COL4A4: variants seen among roughly 807,000 people sequenced by gnomAD.
The protein encoded by COL4A4 is collagen type IV alpha 4 chain, also known as collagen alpha-4(IV) chain.
In COL4A4, 105 loss-of-function variants were observed where a neutral mutation model predicts 192.9. The ratio of observed to expected loss-of-function variants is 0.54; its 90% CI spans 0.46 to 0.64. The LOEUF (loss-of-function observed/expected upper bound fraction) is 0.64. COL4A4 is among the 30% of genes least tolerant of loss of function. The pLI, the probability that COL4A4 is intolerant of heterozygous loss-of-function variation, is 0.00. For missense variants in COL4A4, 1,967 were observed against 2,169.3 expected, an observed-to-expected ratio of 0.91 and a Z score of 1.85; for synonymous variants, 762 against 769.9, an observed-to-expected ratio of 0.99 and a Z score of 0.17.
At chr2:227,015,277 C>A (rs1035638552) in intron 44 of COL4A4, among the ~76,000 whole-genome samples, 1 of 152,152 alleles carries the variant, frequency 6.6e-6, no homozygotes, top group Non-Finnish European at 1.5e-5. Context: ...AGTAAGATAT[C>A]ATTACCAGTT....
chr2:227,142,097 CA>C (rs531488311), intron 3 of COL4A4, among the ~76,000 whole-genome samples: 22,592 of 117,838 alleles, frequency 0.19, 1,090 homozygotes, highest in Middle Eastern at 0.31. Context: ...TTAGTAGATT[CA>C]AAAAAAAAAA....
chr2:227,066,058 T>A (rs1200499604), intron 25 of COL4A4, among the ~76,000 whole-genome samples: 1 of 151,988 alleles, frequency 6.6e-6, no homozygotes, highest in African/African-American at 2.4e-5. Flanking sequence ...AAACCAAGCC[T>A]CGAGAACTAC....
chr2:226,977,142 A>T, the COL4A4 span, among the ~76,000 whole-genome samples: 1 of 152,106 alleles, frequency 6.6e-6, no homozygotes, highest in African/African-American at 2.4e-5. Context: ...TTGTTCTGGA[A>T]ATGAGGAACT....
At chr2:226,982,290 G>T in the COL4A4 span, among the ~76,000 whole-genome samples, 1 of 152,220 alleles carries the variant, frequency 6.6e-6, no homozygotes, top group Non-Finnish European at 1.5e-5. Context: ...ATGGATGCCA[G>T]GTGGCTGTCA....
intron 7 of COL4A4, among the ~76,000 whole-genome samples, chr2:227,115,311 A>C (rs371193756): frequency 0.034 from 4,510 of 133,528 alleles, 249 homozygotes; most frequent in African/African-American, 0.12. Flanking sequence ...CGCTCTGTCT[A>C]CCAGGCTGGA....
rs186986168 is a variant in COL4A4 at position 227,065,926 on chromosome 2, C to T, written c.1988-3328G>A. Among the ~76,000 whole-genome samples the T allele has an allele frequency of 2.2e-3, 334 of 152,268 alleles. 3 individuals carry two copies. Among genetic ancestry groups the T allele is most frequent in the Middle Eastern group, 0.01 (3 of 294 alleles). On this transcript the variant is annotated intron_variant, in intron 25 of 47. Transcript: ENST00000396625. Reference sequence around the variant, plus strand: ...AAGGCTTCAGACGATCAAATTACTCCGAGCTACGGGGGAACATTCAAACCA... The same window carrying T: ...AAGGCTTCAGACGATCAAATTACTCTGAGCTACGGGGGAACATTCAAACCA...
chr2:227,042,992 T>A, intron 36 of COL4A4, 85 bp downstream of exon 36: 1 of 973,766 alleles, frequency 1.0e-6, no homozygotes, highest in Non-Finnish European at 1.6e-6. Context: ...TATCTGAATT[T>A]AGGTCTAATT....
At position 227,043,195 on chromosome 2, in the gene COL4A4, A is replaced by C; in HGVS notation, c.3290-11T>G. 1 of 1,609,908 alleles carries C rather than the reference A, an allele frequency of 6.2e-7. No individual in the cohort carries two copies. The highest frequency in any genetic ancestry group is 8.5e-7 in the Non-Finnish European group (1 of 1,176,148). On this transcript the variant is annotated splice_polypyrimidine_tract_variant and intron_variant, in intron 35 of 47. Transcript: ENST00000396625. ...ATGCTCCAAAATGCCCTAAAGAAGG[A>C]AAGATCAAACATCAGAGTTGCCGTT... is the stretch of plus-strand genomic sequence containing the variant.
At chr2:227,074,077 C>T (rs1251426980) in intron 25 of COL4A4, among the ~76,000 whole-genome samples, 2 of 151,692 alleles carry the variant, frequency 1.3e-5, no homozygotes, top group South Asian at 2.1e-4. Flanking sequence ...AAGGCCTCTG[C>T]ACAACAAAAA....
In COL4A4 at chr2:227,031,930, A is replaced by T. The variant is rs201005159; in HGVS notation, c.3817+15T>A. On this transcript the variant is annotated intron_variant, in intron 40 of 47. Coordinates refer to ENST00000396625, the MANE Select transcript of COL4A4 (RefSeq NM_000092.5). ...AAAGGGAGCACTGCCATCCTTTGTC[A>T]TGATTCTCTCATACCTCTTGGGCCA... The T allele has an allele frequency of 1.7e-5, 26 of 1,572,678 alleles. No individual in the cohort carries two copies. The African/African-American group carries it at 3.0e-4, about 18-fold the overall frequency.
At chr2:227,049,259 T>C (rs1472942364) in intron 34 of COL4A4, among the ~76,000 whole-genome samples, 1 of 152,168 alleles carries the variant, frequency 6.6e-6, no homozygotes, top group Non-Finnish European at 1.5e-5. Flanking sequence ...GAATAAAGGG[T>C]TAATGAAGCC....
At chr2:227,153,588 G>A (rs1368938717) in intron 1 of COL4A4, among the ~76,000 whole-genome samples, 1 of 152,140 alleles carries the variant, frequency 6.6e-6, no homozygotes, top group Non-Finnish European at 1.5e-5. Context: ...ACTCTGGGAT[G>A]AGGATAGTAC....
Position 227,016,064 on chromosome 2 carries a change from G to A in COL4A4, c.4217-3767C>T, listed in dbSNP as rs143863888. Among the ~76,000 whole-genome samples, 111 of 151,726 alleles carry A rather than the reference G, an allele frequency of 7.3e-4. 2 individuals carry two copies. The East Asian group carries it at 0.014, about 19-fold the overall frequency. Reference sequence around the variant, plus strand: ...CTTCAACATTAGGTGGTTCTGCACCGCCCCACCCCACCCCTCACCCCAGCA... The same window carrying A: ...CTTCAACATTAGGTGGTTCTGCACCACCCCACCCCACCCCTCACCCCAGCA... On this transcript the variant is annotated intron_variant, in intron 44 of 47. Transcript: ENST00000396625.
At chr2:227,084,086 A>C (rs2059460544) in intron 22 of COL4A4, among the ~76,000 whole-genome samples, 1 of 152,220 alleles carries the variant, frequency 6.6e-6, no homozygotes. Context: ...GGGTAGAACA[A>C]ATTTCTTAGT....
chr2:227,131,500 C>T (rs933244767), intron 4 of COL4A4, among the ~76,000 whole-genome samples: 6 of 152,236 alleles, frequency 3.9e-5, no homozygotes, highest in Non-Finnish European at 5.9e-5. Context: ...GGTTCCTTAC[C>T]CACTGTGGTC....
the COL4A4 span, among the ~76,000 whole-genome samples, chr2:226,972,119 C>T: frequency 1.3e-5 from 2 of 152,114 alleles, no homozygotes; most frequent in Non-Finnish European, 2.9e-5. Context: ...TGCTGTTCCA[C>T]TCCCTGTATC....
chr2:227,102,226 T>C (rs1243998309), intron 15 of COL4A4, among the ~76,000 whole-genome samples: 1 of 152,218 alleles, frequency 6.6e-6, no homozygotes, highest in African/African-American at 2.4e-5. Flanking sequence ...ATCTTTAAAA[T>C]CTCTGCAATA....
In COL4A4 at chr2:227,045,921, G is replaced by GTATA. The variant is rs1380320752; in HGVS notation, c.3289+1550_3289+1553dup. Among the ~76,000 whole-genome samples the GTATA allele has an allele frequency of 2.0e-3, 123 of 61,696 alleles. 24 individuals are homozygous for GTATA. Among genetic ancestry groups the GTATA allele is most frequent in the African/African-American group, 9.1e-3 (115 of 12,682 alleles). 40.5% of individuals were successfully genotyped at this position (61,696 alleles called of 152,430 possible). ...AGATAGTATATATATGTATGTATATGTATATGTATATATGTATATATGTAT... is the reference window on the plus strand; with the variant it reads ...AGATAGTATATATATGTATGTATATGTATATATATGTATATATGTATATATGTAT... On this transcript the variant is annotated intron_variant, in intron 35 of 47. Transcript: ENST00000396625.
chr2:226,977,585 C>G, the COL4A4 span, among the ~76,000 whole-genome samples: 2 of 152,118 alleles, frequency 1.3e-5, no homozygotes, highest in East Asian at 3.9e-4. Flanking sequence ...CCATCCTGGC[C>G]CTGTAGCATA....
Sources: gnomAD v4.1 joint callset for allele counts (sites outside exome capture counted in the v4.1 genomes callset) on GRCh38, gnomAD v4.1.1 for gene constraint, MANE v1.5 for transcripts, NCBI Gene and HGNC (gene_info 2026-07-23, HGNC 2026-07-21) for gene names.